Variants in RIPK3 observed in about 807,000 individuals in gnomAD.
RIPK3 encodes receptor-interacting serine/threonine-protein kinase 3.
In RIPK3, 51 loss-of-function variants were observed where a neutral mutation model predicts 51.6. The ratio of observed to expected loss-of-function variants is 0.99; its 90% CI spans 0.79 to 1.25. RIPK3 has a LOEUF of 1.25. Among genes scored for constraint, RIPK3 ranks in the 50% most tolerant of loss-of-function variants. The pLI is 0.00. For synonymous variants in RIPK3, 246 were observed against 257.7 expected (o/e 0.95, Z 0.44); for missense variants, 654 against 650.4 (o/e 1.01, Z -0.06).
Position 24,339,814 on chromosome 14 carries a change from T to C in RIPK3, c.13A>G (p.Lys5Glu). Reference protein sequence around the residue: MSCVKLWPSGAPAPL... With the variant: MSCVELWPSGAPAPL... ...ATGCCACTCCCTACTCACCATAACTTGACGCACGACATCAGGCTGGAAGGT... is the reference window on the plus strand; with the variant it reads ...ATGCCACTCCCTACTCACCATAACTCGACGCACGACATCAGGCTGGAAGGT... The change falls in exon 1 of 10, where the codon AAG (lysine) becomes GAG (glutamate). Residue 5 changes from lysine (K) to glutamate (E), a missense_variant. Transcript: ENST00000216274. This position sits in a 1 kb window ranked among gnomAD's most constrained non-coding sequence, Gnocchi z 4.0. The C allele has an allele frequency of 6.4e-7, 1 of 1,574,708 alleles. No homozygotes were observed. The highest frequency in any genetic ancestry group is 8.6e-7 in the Non-Finnish European group (1 of 1,162,798).
At position 24,337,268 on chromosome 14, in the gene RIPK3, A is replaced by AT; in HGVS notation, c.1092dup (p.Cys365MetfsTer64). The AT allele has an allele frequency of 6.2e-7, 1 of 1,614,010 alleles. No individual in the cohort carries two copies. Reference sequence around the variant, plus strand: ...CTGCTCCTCTTGGTAAGGCTCGGGCATTTTTTAGGAACAGAGCTGGGAGGC... The same window carrying AT: ...CTGCTCCTCTTGGTAAGGCTCGGGCATTTTTTTAGGAACAGAGCTGGGAGGC... On this transcript the variant is annotated frameshift_variant, in exon 8 of 10. Transcript: ENST00000216274. LOFTEE classifies it high-confidence loss of function.
chr14:24,336,781 T>C (rs753218577), intron 9 of RIPK3, 104 bp downstream of exon 9: 2 of 1,074,818 alleles, frequency 1.9e-6, no homozygotes, highest in Non-Finnish European at 2.9e-6. Context: ...TAGATCATCT[T>C]CTCCCCTCCC....
In RIPK3 at chr14:24,337,853, C is replaced by T. The variant is rs768494548; in HGVS notation, c.832+20G>A. 7.4e-6 allele frequency: 12 copies of T among 1,613,472 alleles called. No individual in the cohort carries two copies. Among genetic ancestry groups the T allele is most frequent in the Non-Finnish European group, 1.0e-5 (12 of 1,179,446 alleles). ...GACAGACCCAAGCTTATCCTAGATCCAGCTAACTGGCCAGCTCACCCTGGA... is the reference window on the plus strand; with the variant it reads ...GACAGACCCAAGCTTATCCTAGATCTAGCTAACTGGCCAGCTCACCCTGGA... On this transcript the variant is annotated intron_variant, in intron 6 of 9. Transcript: ENST00000216274.
chr14:24,339,741 C>A lies in RIPK3; in HGVS notation c.20+66G>T, dbSNP rs1409617663. 2.6e-6 allele frequency: 4 copies of A among 1,568,586 alleles called. No individual in the cohort carries two copies. Among genetic ancestry groups the A allele is most frequent in the Admixed American group, 3.6e-5 (2 of 55,098 alleles). ...CCCGGACTCAAAGACGTTCTCTGAG[C>A]GAGTCTGTGGGGCTCTCTGGGTGTG... On this transcript the variant is annotated intron_variant, in intron 1 of 9. Coordinates refer to ENST00000216274, the MANE Select transcript of RIPK3 (RefSeq NM_006871.4). The surrounding 1 kb of genome is among the most constrained non-coding windows in gnomAD (Gnocchi z 4.0).
chr14:24,336,404 G>A lies in RIPK3; in HGVS notation c.1337-9C>T. On this transcript the variant is annotated splice_polypyrimidine_tract_variant and intron_variant, in intron 9 of 9. Transcript: ENST00000216274. ...GTTAACGAGCGGTCGCCCTTTAAGAGAAATAGTGATGGTGGCAGGAGGGTT... is the reference window on the plus strand; with the variant it reads ...GTTAACGAGCGGTCGCCCTTTAAGAAAAATAGTGATGGTGGCAGGAGGGTT... 6.2e-7 allele frequency: 1 copy of A among 1,610,680 alleles called. No individual in the cohort carries two copies. The highest frequency in any genetic ancestry group is 1.1e-5 in the South Asian group (1 of 90,930).
In RIPK3 at chr14:24,337,200, T is replaced by G. The variant is rs568665584; in HGVS notation, c.1161A>C (p.Thr387=). ...EQVPQAWTAG[T]SSDSMAQPPQ... ...GAGGTTGGGCCATCGAATCTGAAGA[T>G]GTGCCTGCTGTCCAGGCTTGTGGAA... The change falls in exon 8 of 10, where the codon ACA becomes ACC. Residue 387 remains threonine (T), a synonymous_variant. Coordinates refer to ENST00000216274, the MANE Select transcript of RIPK3 (RefSeq NM_006871.4). The G allele has an allele frequency of 1.9e-6, 3 of 1,613,722 alleles. No homozygotes were observed. Among genetic ancestry groups the G allele is most frequent in the Admixed American group, 3.3e-5 (2 of 60,016 alleles).
In RIPK3 at chr14:24,339,183, G is replaced by A; in HGVS notation, c.303C>T (p.Ser101=). ...ACTGGGACTGCAGCAGCCCCGACAA[G>A]GAGCCGTTCTCCATGAATTTAGTCA... The part of the protein sequence containing the change: ...ALVTKFMENG[S]LSGLLQSQCP... Residue 101 remains serine (S), a synonymous_variant, in exon 3 of 10, where the codon TCC becomes TCT. Transcript: ENST00000216274. The surrounding 1 kb of genome is among the most constrained non-coding windows in gnomAD (Gnocchi z 4.0). 6.2e-7 allele frequency: 1 copy of A among 1,614,268 alleles called. No homozygotes were observed. Among genetic ancestry groups the A allele is most frequent in the Non-Finnish European group, 8.5e-7 (1 of 1,180,048 alleles).
intron 3 of RIPK3, chr14:24,338,792 G>A (rs1449763633): frequency 1.4e-6 from 1 of 699,768 alleles, no homozygotes; most frequent in East Asian, 2.7e-5. Flanking sequence ...AGGGGCTGGT[G>A]GGGCAGCTGG....
intron 9 of RIPK3, 169 bp from the exon 10 acceptor site, chr14:24,336,564 G>A: frequency 1.0e-6 from 1 of 986,874 alleles, no homozygotes. Flanking sequence ...AAGCTCTAGA[G>A]AGTGGCAATT....
Position 24,337,935 on chromosome 14 carries a change from CCTT to C in RIPK3, c.767_769del (p.Glu256del), listed in dbSNP as rs2042151804. The C allele has an allele frequency of 6.2e-7, 1 of 1,614,200 alleles. No individual in the cohort carries two copies. Among genetic ancestry groups the C allele is most frequent in the Non-Finnish European group, 8.5e-7 (1 of 1,180,034 alleles). On this transcript the variant is annotated inframe_deletion, in exon 6 of 10. Coordinates refer to ENST00000216274, the MANE Select transcript of RIPK3 (RefSeq NM_006871.4). ...GCAGAGCTGCATTAGCTCCTTCAGT[CCTT>C]CTAAGCCGGGAGTCTCAGGCCCGGC...
chr14:24,338,512 G>A lies in RIPK3; in HGVS notation c.527C>T (p.Ser176Phe), dbSNP rs1273410865. ...GCCCAGGGTGCCCCCTGGCTCCCCG[G>A]ACCCTGTCCCTGACTGTGAGCCTCC... Reference protein sequence around the residue: ...FQGGSQSGTGSGEPGGTLGYL... With the variant: ...FQGGSQSGTGFGEPGGTLGYL... The change falls in exon 4 of 10, where the codon TCC becomes TTC. Residue 176 changes from serine to phenylalanine, a missense_variant. Transcript: ENST00000216274. 1.2e-6 allele frequency: 2 copies of A among 1,613,440 alleles called. No homozygotes were observed. Among genetic ancestry groups the A allele is most frequent in the Admixed American group, 3.3e-5 (2 of 60,002 alleles).
intron 3 of RIPK3, 107 bp from the exon 4 acceptor site, chr14:24,338,674 T>C (rs1465045766): frequency 6.9e-7 from 1 of 1,452,270 alleles, no homozygotes. Flanking sequence ...GTAAAGGGAG[T>C]GTGGAGGTCA....
chr14:24,336,778 T>C, intron 9 of RIPK3, 107 bp downstream of exon 9: 1 of 1,050,196 alleles, frequency 9.5e-7, no homozygotes, highest in Non-Finnish European at 1.5e-6. Context: ...AGTTAGATCA[T>C]CTTCTCCCCT....
rs551555916 is a variant in RIPK3 at position 24,339,624 on chromosome 14, CG to C, written c.21-28del. ...TGAGAGAGGGGTGTCGCCCACTAGC[CG>C]GCCGTGCCGTGCCTCAGCGCTGCTC... is the stretch of plus-strand genomic sequence containing the variant. On this transcript the variant is annotated intron_variant, in intron 1 of 9. Transcript: ENST00000216274. This position sits in a 1 kb window ranked among gnomAD's most constrained non-coding sequence, Gnocchi z 4.0. 251 of 1,613,088 alleles carry C rather than the reference CG, an allele frequency of 1.6e-4. No individual in the cohort carries two copies. In the East Asian group the frequency reaches 2.7e-3, roughly 17 times the overall value.
chr14:24,336,781 T>TCTCCC (rs1313862112), intron 9 of RIPK3, 104 bp downstream of exon 9: 1 of 1,074,818 alleles, frequency 9.3e-7, no homozygotes, highest in African/African-American at 1.5e-5. Flanking sequence ...TAGATCATCT[T>TCTCCC]CTCCCCTCCC....
rs1463848265 is a variant in RIPK3 at position 24,338,670 on chromosome 14, G to T, written c.472-103C>A. 1.2e-5 allele frequency: 17 copies of T among 1,458,196 alleles called. No individual in the cohort carries two copies. The East Asian group carries it at 3.9e-4, about 34-fold the overall frequency. The allele number at this position is 1,458,196 out of a possible 1,614,324, so 90.3% of individuals were successfully genotyped here. On this transcript the variant is annotated intron_variant, in intron 3 of 9. Transcript: ENST00000216274. ...AAGGTGCAGGTTCAGCTTTGTAAAG[G>T]GAGTGTGGAGGTCAAGGGAAGAGGT...
At chr14:24,337,544 G>A in intron 7 of RIPK3, 84 bp from the exon 8 acceptor site, 1 of 1,609,942 alleles carries the variant, frequency 6.2e-7, no homozygotes, top group African/African-American at 1.3e-5. Context: ...TCCATAATCT[G>A]TTGTCTGGGA....
At position 24,336,236 on chromosome 14, in the gene RIPK3, C is replaced by A. The variant is rs773422314; in HGVS notation, c.1496G>T (p.Gly499Val). 2 of 1,613,976 alleles carry A rather than the reference C, an allele frequency of 1.2e-6. No homozygotes were observed. The highest frequency in any genetic ancestry group is 1.7e-6 in the Non-Finnish European group (2 of 1,180,022). Residue 499 changes from glycine (G) to valine (V), a missense_variant, in exon 10 of 10, where the codon GGC becomes GTC. Coordinates refer to ENST00000216274, the MANE Select transcript of RIPK3 (RefSeq NM_006871.4). ...QHPPPVGSQE[G>V]PKDPEAWSRP... ...GCTCCAGGCTTCAGGATCTTTAGGG[C>A]CTTCTTGCGAACCTACTGGTGGGGG... is the stretch of plus-strand genomic sequence containing the variant.
At chr14:24,336,504 G>A in intron 9 of RIPK3, 109 bp from the exon 10 acceptor site, 3 of 1,445,128 alleles carry the variant, frequency 2.1e-6, no homozygotes, top group Non-Finnish European at 2.8e-6. Flanking sequence ...GTGTCAAGGT[G>A]TGCCCTGTGC....
Sources: gnomAD v4.1 joint callset for allele counts on GRCh38, gnomAD v4.1.1 for gene constraint, Gnocchi (gnomAD v3.1) non-coding constraint, MANE v1.5 for transcripts, NCBI Gene and HGNC (gene_info 2026-07-23, HGNC 2026-07-21) for gene names.